Variants in F7 observed in about 807,000 individuals in gnomAD.
The protein encoded by F7 is FVII coagulation protein.
In F7, 38 loss-of-function variants were observed where a neutral mutation model predicts 47.5. That is an observed-to-expected ratio of 0.80 (90% CI 0.62 to 1.05). The LOEUF (loss-of-function observed/expected upper bound fraction) is 1.05. Ranked by LOEUF, F7 falls within the 50% of genes least tolerant of loss-of-function variation. The probability of loss-of-function intolerance (pLI) is 0.00; values close to 1 mark genes in which losing one functional copy is unlikely to be tolerated. For synonymous variants in F7, 244 were observed against 258.5 expected (o/e 0.94, Z 0.54); for missense variants, 575 against 605.4 (o/e 0.95, Z 0.53).
Position 113,118,717 on chromosome 13 carries a change from C to T in F7, c.1044C>T (p.Cys348=). ...TGCCCCGGCTGATGACCCAGGACTG[C>T]CTGCAGCAGTCACGGAAGGTGGGAG... The part of the protein sequence containing the change: ...LNVPRLMTQD[C]LQQSRKVGDS... Residue 348 remains cysteine (C), a synonymous_variant, in exon 8 of 8, where the codon TGC becomes TGT. Coordinates refer to ENST00000346342, the MANE Select transcript of F7 (RefSeq NM_019616.4). The T allele has an allele frequency of 1.9e-6, 3 of 1,613,066 alleles. No individual in the cohort carries two copies. The highest frequency in any genetic ancestry group is 2.5e-6 in the Non-Finnish European group (3 of 1,179,968).
intron 1 of F7, among the ~76,000 whole-genome samples, chr13:113,108,822 G>A (rs1270554868): frequency 2.6e-5 from 2 of 76,396 alleles, no homozygotes; most frequent in African/African-American, 4.6e-5. Flanking sequence ...GGTGTCCCGG[G>A]AGTGTGGGTG....
Position 113,105,894 on chromosome 13 carries a change from G to A in F7, c.53G>A (p.Cys18Tyr), listed in dbSNP as rs370843454. The change falls in exon 1 of 8, where the codon TGC (cysteine) becomes TAC (tyrosine). Residue 18 changes from cysteine to tyrosine, a missense_variant. Transcript: ENST00000346342. The part of the protein sequence containing the change: ...LLCLLLGLQG[C>Y]LAAVFVTQEE... ...TGCCTTCTGCTTGGGCTTCAGGGCT[G>A]CCTGGCTGCAGGTGCGTCCGGGGAG... 50 of 1,589,182 alleles carry A rather than the reference G, an allele frequency of 3.1e-5. No homozygotes were observed. Among genetic ancestry groups the A allele is most frequent in the Non-Finnish European group, 4.1e-5 (48 of 1,168,312 alleles).
At chr13:113,117,009 A>G (rs930471559) in intron 6 of F7, 134 bp downstream of exon 6, 1 of 761,562 alleles carries the variant, frequency 1.3e-6, no homozygotes, top group African/African-American at 1.7e-5. Flanking sequence ...CACACCTAGC[A>G]CCTCCAGCTC....
chr13:113,111,046 G>A (rs984979263), intron 2 of F7, among the ~76,000 whole-genome samples, 196 bp downstream of exon 2: 1 of 152,184 alleles, frequency 6.6e-6, no homozygotes, highest in African/African-American at 2.4e-5. Context: ...CCCACCCCCA[G>A]GCACGCGCTC....
chr13:113,119,751 A>C lies in F7; in HGVS notation c.*743A>C, dbSNP rs1566911653. 1 of 152,502 alleles carries C rather than the reference A, an allele frequency of 6.6e-6. No homozygotes were observed. The highest frequency in any genetic ancestry group is 1.5e-5 in the Non-Finnish European group (1 of 68,258). 9.4% of individuals were successfully genotyped at this position (152,502 alleles called of 1,614,324 possible). A position where few individuals can be genotyped will look rare whatever the true frequency, so the allele number is the denominator to read the frequency against. On this transcript the variant is annotated 3_prime_UTR_variant, in exon 8 of 8. Transcript: ENST00000346342. ...CGCACACACACCGATGTACACACAC[A>C]GATGCACACACAGATGCACACACAC... is the stretch of plus-strand genomic sequence containing the variant.
rs765874428 is a variant in F7, at chr13:113,113,902, G to C, written c.306G>C (p.Gln102His). Residue 102 changes from glutamine (Q) to histidine (H), a missense_variant, in exon 4 of 8, where the codon CAG becomes CAC. Gln to His is a conservative substitution (Grantham distance 24). Transcript: ENST00000346342. This position sits in a 1 kb window ranked among gnomAD's most constrained non-coding sequence, Gnocchi z 4.1. ...PCQNGGSCKD[Q>H]LQSYICFCLP... is the part of the protein sequence containing the mutation. The stretch of plus-strand genomic sequence containing the variant: ...AGAATGGGGGCTCCTGCAAGGACCA[G>C]CTCCAGTCCTATATCTGCTTCTGCC... 2 of 1,614,080 alleles carry C rather than the reference G, an allele frequency of 1.2e-6. No homozygotes were observed. The highest frequency in any genetic ancestry group is 1.3e-5 in the African/African-American group (1 of 74,936).
Position 113,119,476 on chromosome 13 carries a change from A to AATGCACACACACAGAGAT in F7, c.*481_*498dup, listed in dbSNP as rs1276719317. On this transcript the variant is annotated 3_prime_UTR_variant, in exon 8 of 8. Coordinates refer to ENST00000346342, the MANE Select transcript of F7 (RefSeq NM_019616.4). ...ACATGGATGCACACACACACACGCC[A>AATGCACACACACAGAGAT]ATGCACACACACAGAGATATGCACA... 2 of 205,176 alleles carry AATGCACACACACAGAGAT rather than the reference A, an allele frequency of 9.7e-6. No homozygotes were observed. The highest frequency in any genetic ancestry group is 9.4e-5 in the South Asian group (1 of 10,622). The allele number at this position is 205,176 out of a possible 1,614,324, so 12.7% of individuals were successfully genotyped here.
intron 1 of F7, among the ~76,000 whole-genome samples, chr13:113,107,288 AGGAGTGTGGGTGTCCCGGGGGC>A (rs2035981717): frequency 5.4e-5 from 3 of 55,384 alleles, no homozygotes; most frequent in East Asian, 4.3e-4. Flanking sequence ...TGGGTGTCCC[AGGAGTGTGGGTGTCCCGGGGGC>A]GTGGGTGTCC....
intron 4 of F7, 112 bp downstream of exon 4, chr13:113,114,072 C>A: frequency 8.9e-7 from 1 of 1,122,100 alleles, no homozygotes; most frequent in Non-Finnish European, 1.3e-6. Context: ...GTAGGCCGGG[C>A]ATTCAGGGCT....
chr13:113,115,089 C>T (rs1202662732), intron 4 of F7, among the ~76,000 whole-genome samples: 3 of 152,240 alleles, frequency 2.0e-5, no homozygotes, highest in African/African-American at 7.2e-5. Flanking sequence ...GCAGGGCAGG[C>T]CTTCCCGCCG....
chr13:113,118,144 C>A (rs749064418), intron 7 of F7, among the ~76,000 whole-genome samples: 3 of 152,182 alleles, frequency 2.0e-5, no homozygotes, highest in African/African-American at 7.2e-5. Context: ...TCGGGGCACG[C>A]CCTGTCCTCC....
At position 113,120,572 on chromosome 13, in the gene F7, C is replaced by CG; in HGVS notation, c.*1569dup. ...CAAGGCAGGCACCAGCAACCCACCT[C>CG]GGGGGCACTCAGGCATCATCTACTT... On this transcript the variant is annotated 3_prime_UTR_variant, in exon 8 of 8. Transcript: ENST00000346342. 6.4e-6 allele frequency: 1 copy of CG among 155,144 alleles called. No homozygotes were observed. The highest frequency in any genetic ancestry group is 1.4e-5 in the Non-Finnish European group (1 of 70,110). The allele number at this position is 155,144 out of a possible 1,614,324, so 9.6% of individuals were successfully genotyped here. A position where few individuals can be genotyped will look rare whatever the true frequency, so the allele number is the denominator to read the frequency against.
chr13:113,114,867 C>T (rs2036166585), intron 4 of F7: 1 of 152,926 alleles, frequency 6.5e-6, no homozygotes, highest in African/African-American at 2.4e-5. Flanking sequence ...GCTACCCTTT[C>T]TCTGGCACAG....
chr13:113,113,602 T>G lies in F7; in HGVS notation c.226-150T>G. The G allele has an allele frequency of 1.3e-6, 1 of 792,086 alleles. No individual in the cohort carries two copies. The highest frequency in any genetic ancestry group is 2.2e-6 in the Non-Finnish European group (1 of 448,682). 49.1% of individuals were successfully genotyped at this position (792,086 alleles called of 1,614,324 possible). A position where few individuals can be genotyped will look rare whatever the true frequency, so the allele number is the denominator to read the frequency against. Reference sequence around the variant, plus strand: ...GGGCCAAGATTAGAAGAAACCTACCTCAGCTCCAGAGGAAAGTCTGGCTTC... The same window carrying G: ...GGGCCAAGATTAGAAGAAACCTACCGCAGCTCCAGAGGAAAGTCTGGCTTC... On this transcript the variant is annotated intron_variant, in intron 2 of 7. Coordinates refer to ENST00000346342, the MANE Select transcript of F7 (RefSeq NM_019616.4). The surrounding 1 kb of genome is among the most constrained non-coding windows in gnomAD (Gnocchi z 4.1).
At position 113,105,879 on chromosome 13, in the gene F7, T is replaced by C. The variant is rs387906507; in HGVS notation, c.38T>C (p.Leu13Pro). 3.1e-6 allele frequency: 5 copies of C among 1,591,652 alleles called. No individual in the cohort carries two copies. The East Asian group carries it at 1.1e-4, about 36-fold the overall frequency. Residue 13 changes from leucine to proline, a missense_variant, in exon 1 of 8, where the codon CTT becomes CCT. Leu to Pro is a moderately conservative substitution (Grantham distance 98). Coordinates refer to ENST00000346342, the MANE Select transcript of F7 (RefSeq NM_019616.4). The part of the protein sequence containing the change: ...SQALRLLCLL[L>P]GLQGCLAAVF... ...GCCCTCAGGCTCCTCTGCCTTCTGC[T>C]TGGGCTTCAGGGCTGCCTGGCTGCA...
chr13:113,106,326 A>T, intron 1 of F7, among the ~76,000 whole-genome samples: 1 of 26,754 alleles, frequency 3.7e-5, no homozygotes, highest in Non-Finnish European at 6.3e-5. Flanking sequence ...GGGAAACGGC[A>T]TGTGGGGCGT....
chr13:113,115,130 T>C (rs1259417616), intron 4 of F7, among the ~76,000 whole-genome samples: 1 of 152,188 alleles, frequency 6.6e-6, no homozygotes, highest in Admixed American at 6.5e-5. Context: ...GCCACTCCCC[T>C]TGCCCATGTC....
intron 1 of F7, among the ~76,000 whole-genome samples, chr13:113,107,973 T>TC (rs2036002054): frequency 1.1e-4 from 2 of 18,094 alleles, no homozygotes; most frequent in African/African-American, 1.9e-4. Context: ...GTCCCGGGAG[T>TC]GTGGGTGTTC....
chr13:113,116,619 C>A, intron 5 of F7, 147 bp from the exon 6 acceptor site: 1 of 695,444 alleles, frequency 1.4e-6, no homozygotes, highest in South Asian at 1.7e-5. Flanking sequence ...CTTCCACCAC[C>A]CCTGGGCCCT....
Sources: gnomAD v4.1 joint callset for allele counts (sites outside exome capture counted in the v4.1 genomes callset) on GRCh38, gnomAD v4.1.1 for gene constraint, Gnocchi (gnomAD v3.1) non-coding constraint, MANE v1.5 for transcripts, NCBI Gene and HGNC (gene_info 2026-07-23, HGNC 2026-07-21) for gene names.